CASQ2: variants seen among roughly 807,000 people sequenced by gnomAD.
The protein encoded by CASQ2 is calsequestrin 2.
Under a neutral mutation model 46.5 loss-of-function variants are expected in CASQ2, and 49 were observed. The ratio of observed to expected loss-of-function variants is 1.05; its 90% CI spans 0.84 to 1.34. The LOEUF is 1.34. Ranked by LOEUF, CASQ2 falls within the 40% of genes most tolerant of loss-of-function variation. The pLI is 0.00. For synonymous variants in CASQ2, 174 were observed against 168.5 expected (o/e 1.03, Z -0.25); for missense variants, 486 against 481.3 (o/e 1.01, Z -0.09).
At chr1:115,739,471 A>G (rs1648108652) in intron 3 of CASQ2, among the ~76,000 whole-genome samples, 1 of 152,110 alleles carries the variant, frequency 6.6e-6, no homozygotes, top group South Asian at 2.1e-4. Flanking sequence ...GGTGGATTTC[A>G]TAACTTCCCC....
chr1:115,739,237 G>A (rs1230814029), intron 3 of CASQ2, among the ~76,000 whole-genome samples: 38 of 150,016 alleles, frequency 2.5e-4, no homozygotes, highest in East Asian at 9.8e-4. Flanking sequence ...TTAGCCTCCC[G>A]AGTAGCTGGG....
chr1:115,715,103 T>C (rs1654658331), intron 8 of CASQ2, among the ~76,000 whole-genome samples: 1 of 152,252 alleles, frequency 6.6e-6, no homozygotes, highest in Admixed American at 6.5e-5. Flanking sequence ...GCCAGCAGGC[T>C]GCTGCCTATG....
intron 1 of CASQ2, among the ~76,000 whole-genome samples, chr1:115,757,472 GA>G (rs1056152937): frequency 2.4e-4 from 37 of 151,972 alleles, no homozygotes; most frequent in Non-Finnish European, 4.4e-4. Flanking sequence ...TGAACAGTTG[GA>G]AAAAAAATAC....
chr1:115,747,477 A>G (rs761763036), intron 1 of CASQ2, among the ~76,000 whole-genome samples: 3 of 152,166 alleles, frequency 2.0e-5, no homozygotes, highest in Non-Finnish European at 4.4e-5. Context: ...GCATTTTTGT[A>G]TAAACTTCAG....
chr1:115,739,739 G>C (rs982169225), intron 3 of CASQ2, among the ~76,000 whole-genome samples: 2 of 152,228 alleles, frequency 1.3e-5, no homozygotes. Flanking sequence ...GAGAAAAATG[G>C]AGGCAGTGTC....
intron 8 of CASQ2, among the ~76,000 whole-genome samples, chr1:115,707,336 C>T (rs1382630355): frequency 6.6e-6 from 1 of 152,162 alleles, no homozygotes. Context: ...TAGAAGGGGT[C>T]TTTATGGCCG....
chr1:115,737,882 G>A (rs1484183830), intron 4 of CASQ2, among the ~76,000 whole-genome samples: 1 of 152,190 alleles, frequency 6.6e-6, no homozygotes, highest in Non-Finnish European at 1.5e-5. Context: ...AGCTACCAAT[G>A]CCAGGGAGAC....
intron 1 of CASQ2, among the ~76,000 whole-genome samples, chr1:115,762,702 T>C (rs1649005969): frequency 6.6e-6 from 1 of 152,226 alleles, no homozygotes; most frequent in African/African-American, 2.4e-5. Context: ...AGTGTGAAGC[T>C]CACCCGGAAA....
At chr1:115,751,514 A>G (rs1648582326) in intron 1 of CASQ2, among the ~76,000 whole-genome samples, 1 of 150,040 alleles carries the variant, frequency 6.7e-6, no homozygotes, top group African/African-American at 2.5e-5. Flanking sequence ...TAAAAAAAAT[A>G]CAAAAGAATT....
At chr1:115,743,648 AC>A (rs1648273783) in intron 2 of CASQ2, among the ~76,000 whole-genome samples, 1 of 151,570 alleles carries the variant, frequency 6.6e-6, no homozygotes, top group Admixed American at 6.6e-5. Flanking sequence ...AGGATAACGG[AC>A]TTTTATGTAC....
At position 115,726,981 on chromosome 1, in the gene CASQ2, A is replaced by G. The variant is rs2101079034; in HGVS notation, c.737+11T>C. 3.2e-6 allele frequency: 4 copies of G among 1,249,796 alleles called. No homozygotes were observed. Among genetic ancestry groups the G allele is most frequent in the Non-Finnish European group, 3.3e-6 (3 of 903,774 alleles). The allele number at this position is 1,249,796 out of a possible 1,614,324, so 77.4% of individuals were successfully genotyped here. On this transcript the variant is annotated intron_variant, in intron 6 of 10. Transcript: ENST00000261448. The stretch of plus-strand genomic sequence containing the variant: ...CCCAGGCCCCCAGCCCCCACATGCC[A>G]TCTCAGGCACCTTTGGTGTTCCTTC...
chr1:115,753,161 C>T (rs190583330), intron 1 of CASQ2, among the ~76,000 whole-genome samples: 6 of 152,230 alleles, frequency 3.9e-5, no homozygotes, highest in Non-Finnish European at 7.4e-5. Flanking sequence ...CAGCCCAGAC[C>T]CGGAGGTGCT....
At chr1:115,760,373 G>A (rs915223655) in intron 1 of CASQ2, among the ~76,000 whole-genome samples, 1 of 152,094 alleles carries the variant, frequency 6.6e-6, no homozygotes, top group Non-Finnish European at 1.5e-5. Flanking sequence ...TTTTTAACAG[G>A]GTCCAAGTGA....
At chr1:115,702,784 G>T (rs972611940) in intron 10 of CASQ2, 137 bp downstream of exon 10, 6 of 718,290 alleles carry the variant, frequency 8.4e-6, no homozygotes, top group East Asian at 5.4e-5. Context: ...GAACACACTG[G>T]CAAGTTTCCT....
At chr1:115,760,097 T>C (rs1244010134) in intron 1 of CASQ2, among the ~76,000 whole-genome samples, 1 of 152,122 alleles carries the variant, frequency 6.6e-6, no homozygotes, top group East Asian at 1.9e-4. Context: ...GAGTCCCAAA[T>C]CAGATATGAA....
intron 1 of CASQ2, among the ~76,000 whole-genome samples, chr1:115,745,985 C>G (rs1648372385): frequency 6.6e-6 from 1 of 152,188 alleles, no homozygotes; most frequent in African/African-American, 2.4e-5. Context: ...GTTCGTGTCC[C>G]TATCCCCTCT....
intron 1 of CASQ2, among the ~76,000 whole-genome samples, chr1:115,766,940 C>CT (rs199526406): frequency 2.7e-5 from 4 of 147,480 alleles, no homozygotes; most frequent in African/African-American, 7.6e-5. Flanking sequence ...AAAGATATTT[C>CT]TTTTTTAAAA....
intron 8 of CASQ2, among the ~76,000 whole-genome samples, chr1:115,708,401 A>C (rs1250911310): frequency 6.6e-6 from 1 of 152,200 alleles, no homozygotes; most frequent in Non-Finnish European, 1.5e-5. Flanking sequence ...CTCTGACCCC[A>C]AATACTTTCA....
intron 9 of CASQ2, 87 bp from the exon 10 acceptor site, chr1:115,703,082 G>A: frequency 1.0e-6 from 1 of 999,496 alleles, no homozygotes; most frequent in South Asian, 1.4e-5. Context: ...CAGTAACTAG[G>A]TCACCATTGG....
Sources: gnomAD v4.1 joint callset for allele counts (sites outside exome capture counted in the v4.1 genomes callset) on GRCh38, gnomAD v4.1.1 for gene constraint, MANE v1.5 for transcripts, NCBI Gene and HGNC (gene_info 2026-07-23, HGNC 2026-07-21) for gene names.